The following GTF2A2 variants were observed in gnomAD, a reference collection of about 807,000 sequenced individuals.
GTF2A2 encodes general transcription factor IIA subunit 2.
GTF2A2 carries 9 observed loss-of-function variants against 14.3 expected under a neutral mutation model. The observed-to-expected ratio is 0.63, with a 90% CI of 0.38 to 1.10. The LOEUF is 1.10. Ranked by LOEUF, GTF2A2 falls within the 50% of genes least tolerant of loss-of-function variation. GTF2A2 has a pLI of 0.01. For synonymous variants in GTF2A2, 56 were observed against 46.0 expected (o/e 1.22, Z -0.88); for missense variants, 90 against 124.6 (o/e 0.72, Z 1.32).
chr15:59,639,706 C>T (rs981777878), intron 4 of GTF2A2, among the ~76,000 whole-genome samples: 107 of 151,960 alleles, frequency 7.0e-4, no homozygotes, highest in African/African-American at 2.5e-3. Context: ...GATCTGCCCG[C>T]CTCGGCATCC....
intron 3 of GTF2A2, among the ~76,000 whole-genome samples, chr15:59,643,821 C>T (rs1171868748): frequency 6.6e-6 from 1 of 151,898 alleles, no homozygotes; most frequent in Admixed American, 6.6e-5. Context: ...TGGTCTCAAA[C>T]TCCTGACCTC....
chr15:59,642,435 C>A (rs548742979), intron 3 of GTF2A2, among the ~76,000 whole-genome samples, 173 bp from the exon 4 acceptor site: 1 of 152,090 alleles, frequency 6.6e-6, no homozygotes, highest in African/African-American at 2.4e-5. Context: ...GACAAATTTG[C>A]TAAGGGAAGA....
chr15:59,654,724 T>A (rs12050786), intron 1 of GTF2A2, among the ~76,000 whole-genome samples: 13,088 of 152,248 alleles, frequency 0.086, 897 homozygotes, highest in East Asian at 0.29. Flanking sequence ...AGTATTACAC[T>A]TCACTGAGGA....
intron 3 of GTF2A2, among the ~76,000 whole-genome samples, chr15:59,645,247 A>G (rs1891564078): frequency 6.6e-6 from 1 of 152,198 alleles, no homozygotes; most frequent in Non-Finnish European, 1.5e-5. Context: ...GATGTCCAAT[A>G]AGTAATTGGA....
At position 59,650,709 on chromosome 15, in the gene GTF2A2, G is replaced by A. The variant is rs1448348499; in HGVS notation, c.137C>T (p.Ala46Val). Reference sequence around the variant, plus strand: ...GTTCCTGACCCTCTGAGCCAGTGCTGCATTTATAGCCTTATCAAACTGAAG... The same window carrying A: ...GTTCCTGACCCTCTGAGCCAGTGCTACATTTATAGCCTTATCAAACTGAAG... ...VLLQFDKAIN[A>V]ALAQRVRNRV... Residue 46 changes from alanine to valine, a missense_variant, in exon 3 of 5, where the codon GCA becomes GTA. By Grantham distance (64) the Ala-to-Val change is moderately conservative. Transcript: ENST00000396060. 6.2e-7 allele frequency: 1 copy of A among 1,610,144 alleles called. No individual in the cohort carries two copies. The highest frequency in any genetic ancestry group is 1.7e-5 in the Admixed American group (1 of 60,008).
At chr15:59,655,790 C>T (rs1346486829) in intron 1 of GTF2A2, among the ~76,000 whole-genome samples, 1 of 152,184 alleles carries the variant, frequency 6.6e-6, no homozygotes, top group African/African-American at 2.4e-5. Context: ...GAACTCCATA[C>T]TTCTACGAGC....
rs948411054 is a variant in GTF2A2, at chr15:59,654,329, G to A, written c.-49-2003C>T. Among the ~76,000 whole-genome samples, 6 of 152,048 alleles carry A rather than the reference G, an allele frequency of 3.9e-5. No homozygotes were observed. The East Asian group carries it at 1.2e-3, about 29-fold the overall frequency. On this transcript the variant is annotated intron_variant, in intron 1 of 4. Transcript: ENST00000396060. ...CAGGGGAAGCATGATCCTGCTTGAG[G>A]GCCTTTGTGGTGGCTCTTCTTTTTG... is the stretch of plus-strand genomic sequence containing the variant.
intron 1 of GTF2A2, 70 bp from the exon 2 acceptor site, chr15:59,652,396 T>C (rs563643148): frequency 1.7e-5 from 10 of 604,374 alleles, no homozygotes; most frequent in African/African-American, 1.5e-4. Context: ...TATAATATCA[T>C]CTACCTCAAA....
At chr15:59,654,004 C>T (rs1891870042) in intron 1 of GTF2A2, among the ~76,000 whole-genome samples, 1 of 152,154 alleles carries the variant, frequency 6.6e-6, no homozygotes. Context: ...ATGCTATTAC[C>T]CTAAGTCACC....
intron 3 of GTF2A2, among the ~76,000 whole-genome samples, chr15:59,644,085 G>C (rs1196129246): frequency 6.6e-6 from 1 of 151,822 alleles, no homozygotes; most frequent in African/African-American, 2.4e-5. Flanking sequence ...AGTAGAGGCG[G>C]GGTTTTGCCA....
chr15:59,652,320 T>C lies in GTF2A2; in HGVS notation c.-43A>G, dbSNP rs746931307. ...TTGTTTTTCTTATTCAAGCTTGCAT[T>C]GATGTCCTAAAAATTTAATATAAAA... On this transcript the variant is annotated 5_prime_UTR_variant, in exon 2 of 5. Coordinates refer to ENST00000396060, the MANE Select transcript of GTF2A2 (RefSeq NM_004492.3). 1.9e-6 allele frequency: 2 copies of C among 1,040,578 alleles called. No individual in the cohort carries two copies. The highest frequency in any genetic ancestry group is 4.1e-5 in the Admixed American group (2 of 49,162). 64.5% of individuals were successfully genotyped at this position (1,040,578 alleles called of 1,614,324 possible).
At chr15:59,646,749 A>C (rs1437865065) in intron 3 of GTF2A2, among the ~76,000 whole-genome samples, 1 of 152,150 alleles carries the variant, frequency 6.6e-6, no homozygotes, top group Non-Finnish European at 1.5e-5. Flanking sequence ...ATGAAAATTG[A>C]CAATTAACAT....
At chr15:59,648,233 C>A (rs1891671376) in intron 3 of GTF2A2, among the ~76,000 whole-genome samples, 1 of 151,552 alleles carries the variant, frequency 6.6e-6, no homozygotes. Flanking sequence ...ATAGTGAAAT[C>A]CCATCTCTTA....
chr15:59,641,524 C>A (rs1479457291), intron 4 of GTF2A2, among the ~76,000 whole-genome samples: 1 of 152,024 alleles, frequency 6.6e-6, no homozygotes, highest in Admixed American at 6.5e-5. Flanking sequence ...GCTCTTAACA[C>A]AAATGGTTCA....
chr15:59,652,674 C>T (rs1236352291), intron 1 of GTF2A2, among the ~76,000 whole-genome samples: 2 of 152,122 alleles, frequency 1.3e-5, no homozygotes, highest in Admixed American at 6.5e-5. Context: ...AAATCTTCAG[C>T]TCATGTTTGC....
At chr15:59,644,604 G>C (rs1367106570) in intron 3 of GTF2A2, among the ~76,000 whole-genome samples, 1 of 152,234 alleles carries the variant, frequency 6.6e-6, no homozygotes, top group African/African-American at 2.4e-5. Flanking sequence ...CTATGAAAGA[G>C]TAAGTTACTG....
chr15:59,650,987 C>T (rs1204313773), intron 2 of GTF2A2, among the ~76,000 whole-genome samples: 2 of 152,102 alleles, frequency 1.3e-5, no homozygotes, highest in Non-Finnish European at 2.9e-5. Flanking sequence ...GAAGAGAAAA[C>T]ATGCAGTGAT....
At chr15:59,645,232 G>C (rs1413705711) in intron 3 of GTF2A2, among the ~76,000 whole-genome samples, 2 of 152,142 alleles carry the variant, frequency 1.3e-5, no homozygotes, top group South Asian at 2.1e-4. Flanking sequence ...GTATATCTAA[G>C]TCATGATGTC....
chr15:59,650,275 A>G (rs1197401886), intron 3 of GTF2A2, among the ~76,000 whole-genome samples: 6 of 152,220 alleles, frequency 3.9e-5, no homozygotes, highest in African/African-American at 1.4e-4. Flanking sequence ...GTTTCTAGAA[A>G]TAACTCTACT....
Sources: allele counts gnomAD v4.1 joint callset (sites outside exome capture counted in the v4.1 genomes callset), GRCh38; gene constraint gnomAD v4.1.1; transcripts MANE v1.5; gene names NCBI Gene and HGNC (gene_info 2026-07-23, HGNC 2026-07-21).